Variants in PDE4D observed in about 807,000 individuals in gnomAD.
PDE4D encodes 3',5'-cyclic-AMP phosphodiesterase 4D.
PDE4D carries 24 observed loss-of-function variants against 87.4 expected under a neutral mutation model. The ratio of observed to expected loss-of-function variants is 0.27; its 90% confidence interval spans 0.20 to 0.39. The LOEUF is 0.39. Among genes scored for constraint, PDE4D ranks in the 10% least tolerant of loss-of-function variants. The pLI, the probability that PDE4D is intolerant of heterozygous loss-of-function variation, is 1.00. For synonymous variants in PDE4D, 384 were observed against 383.2 expected, an observed-to-expected ratio of 1.00 and a Z score of -0.02; for missense variants, 714 against 1,041.0, an observed-to-expected ratio of 0.69 and a Z score of 4.32.
intron 2 of PDE4D, among the ~76,000 whole-genome samples, chr5:60,176,926 A>G (rs1783958457): frequency 6.6e-6 from 1 of 152,156 alleles, no homozygotes; most frequent in Non-Finnish European, 1.5e-5. Context: ...CCTGGAAACC[A>G]TGTAGGATAT....
At chr5:59,422,169 T>C (rs1384666287) in intron 1 of PDE4D, among the ~76,000 whole-genome samples, 2 of 152,204 alleles carry the variant, frequency 1.3e-5, no homozygotes, top group African/African-American at 4.8e-5. Context: ...CATGCTCTAC[T>C]GAGAACCACA....
chr5:60,293,933 T>A (rs569543037), intron 1 of PDE4D, among the ~76,000 whole-genome samples: 19 of 152,320 alleles, frequency 1.2e-4, no homozygotes, highest in African/African-American at 4.3e-4. Context: ...TAACATAAAA[T>A]TTGCTTCTGG....
intron 1 of PDE4D, among the ~76,000 whole-genome samples, chr5:59,669,395 A>G (rs1360355062): frequency 6.6e-6 from 1 of 152,196 alleles, no homozygotes; most frequent in East Asian, 1.9e-4. Flanking sequence ...TACAGGCATG[A>G]GTCACCGTGC....
intron 2 of PDE4D, among the ~76,000 whole-genome samples, chr5:60,155,307 T>C (rs915318405): frequency 1.3e-5 from 2 of 152,212 alleles, no homozygotes; most frequent in Non-Finnish European, 2.9e-5. Context: ...TGTACTTGTA[T>C]TGAATTATGG....
At chr5:60,184,560 C>T (rs937669297) in intron 2 of PDE4D, among the ~76,000 whole-genome samples, 6 of 152,136 alleles carry the variant, frequency 3.9e-5, no homozygotes, top group Non-Finnish European at 7.4e-5. Flanking sequence ...TTATTAAACA[C>T]GGTATTCAGT....
chr5:59,742,446 T>C lies in PDE4D; in HGVS notation c.455+150722A>G, dbSNP rs543135355. 1.2e-4 allele frequency among the ~76,000 whole-genome samples: 18 copies of C among 152,342 alleles called. No homozygotes were observed. The South Asian group carries it at 2.9e-3, about 25-fold the overall frequency. ...ACACATGGACAACCATTCTATACTA[T>C]TCATGCATGTTATTTATTCCTATTT... is the stretch of plus-strand genomic sequence containing the variant. On this transcript the variant is annotated intron_variant, in intron 1 of 14. Transcript: ENST00000340635.
chr5:60,018,051 T>A (rs1056310806), intron 2 of PDE4D, among the ~76,000 whole-genome samples: 4 of 152,176 alleles, frequency 2.6e-5, no homozygotes, highest in African/African-American at 9.7e-5. Context: ...TGATCAATGA[T>A]GTTGAGCTTT....
chr5:59,824,694 T>A (rs1333731601), intron 1 of PDE4D, among the ~76,000 whole-genome samples: 1 of 152,202 alleles, frequency 6.6e-6, no homozygotes, highest in East Asian at 1.9e-4. Flanking sequence ...CCCAGTCTTT[T>A]GTATGCTTCA....
intron 2 of PDE4D, among the ~76,000 whole-genome samples, chr5:60,042,250 C>A (rs998817556): frequency 2.0e-5 from 3 of 152,160 alleles, no homozygotes; most frequent in African/African-American, 7.2e-5. Context: ...TTCCTAGATT[C>A]CTCCTCTCTG....
chr5:59,866,442 G>T (rs1160318883), intron 1 of PDE4D, among the ~76,000 whole-genome samples: 2 of 152,090 alleles, frequency 1.3e-5, no homozygotes. Context: ...GGAAGGAATT[G>T]CTTATTCCAT....
chr5:59,737,076 G>A (rs1424781349), intron 1 of PDE4D, among the ~76,000 whole-genome samples: 3 of 152,052 alleles, frequency 2.0e-5, no homozygotes, highest in African/African-American at 4.8e-5. Context: ...CTAAGGAAAC[G>A]ACTTAATACT....
chr5:59,792,573 A>G (rs1260650872), intron 1 of PDE4D, among the ~76,000 whole-genome samples: 1 of 152,148 alleles, frequency 6.6e-6, no homozygotes, highest in African/African-American at 2.4e-5. Flanking sequence ...GCTGGCATAG[A>G]GGTTTGTGCC....
chr5:59,685,317 T>A (rs555379360), intron 1 of PDE4D, among the ~76,000 whole-genome samples: 64 of 152,334 alleles, frequency 4.2e-4, no homozygotes, highest in Non-Finnish European at 7.9e-4. Flanking sequence ...TGATTTAAGA[T>A]CATTTCTTCC....
intron 1 of PDE4D, among the ~76,000 whole-genome samples, chr5:60,497,183 C>T (rs1466626500): frequency 6.6e-6 from 1 of 152,146 alleles, no homozygotes; most frequent in Non-Finnish European, 1.5e-5. Flanking sequence ...GCCACCTGCC[C>T]TCCAAAAGGT....
At chr5:59,013,828 C>T (rs114303165) in intron 6 of PDE4D, among the ~76,000 whole-genome samples, 15,304 of 151,988 alleles carry the variant, frequency 0.1, 1,034 homozygotes, top group Non-Finnish European at 0.13. Context: ...CAATGCCTGG[C>T]GGAGACACAA....
chr5:60,371,190 C>G (rs187194864), intron 1 of PDE4D, among the ~76,000 whole-genome samples: 1 of 152,308 alleles, frequency 6.6e-6, no homozygotes, highest in East Asian at 1.9e-4. Flanking sequence ...CAACTCCTTC[C>G]CAGGTTGCAC....
At chr5:59,364,094 ATTTG>A (rs1286843042) in intron 1 of PDE4D, among the ~76,000 whole-genome samples, 1 of 152,278 alleles carries the variant, frequency 6.6e-6, no homozygotes, top group African/African-American at 2.4e-5. Context: ...TATTGTTGTT[ATTTG>A]TTTTTGTTTT....
chr5:59,339,456 G>A (rs1248865460), intron 1 of PDE4D, among the ~76,000 whole-genome samples: 3 of 152,154 alleles, frequency 2.0e-5, no homozygotes, highest in South Asian at 2.1e-4. Context: ...CAGGGGAGGA[G>A]GTGTTCTGTG....
At chr5:60,362,262 T>G (rs1384091551) in intron 1 of PDE4D, among the ~76,000 whole-genome samples, 1 of 152,222 alleles carries the variant, frequency 6.6e-6, no homozygotes, top group Non-Finnish European at 1.5e-5. Context: ...GATGAAATTC[T>G]TTTGGCCACA....
Sources: allele counts gnomAD v4.1 joint callset (sites outside exome capture counted in the v4.1 genomes callset), GRCh38; gene constraint gnomAD v4.1.1; transcripts MANE v1.5; gene names NCBI Gene and HGNC (gene_info 2026-07-23, HGNC 2026-07-21).